The following HERC1 variants were observed in gnomAD, a reference collection of about 807,000 sequenced individuals.
HERC1 encodes the protein probable E3 ubiquitin-protein ligase HERC1.
Under a neutral mutation model 554.3 loss-of-function variants are expected in HERC1, and 160 were observed. That is an observed-to-expected ratio of 0.29 (90% CI 0.25 to 0.33). The LOEUF (loss-of-function observed/expected upper bound fraction) is 0.33, where lower values mean the gene tolerates loss of function less well. HERC1 is among the 10% of genes least tolerant of loss of function. The pLI, the probability that HERC1 is intolerant of heterozygous loss-of-function variation, is 1.00. For synonymous variants in HERC1, 2,175 were observed against 2,131.7 expected, an observed-to-expected ratio of 1.02 and a Z score of -0.56; for missense variants, 4,919 against 5,918.5, an observed-to-expected ratio of 0.83 and a Z score of 5.54.
At chr15:63,736,608 CTCTCT>C (rs2074515080) in intron 12 of HERC1, among the ~76,000 whole-genome samples, 1 of 96,608 alleles carries the variant, frequency 1.0e-5, no homozygotes. Context: ...TAGCATCACA[CTCTCT>C]TTTTTTTTTT....
chr15:63,733,210 A>T, intron 13 of HERC1, 65 bp from the exon 14 acceptor site: 1 of 1,077,436 alleles, frequency 9.3e-7, no homozygotes, highest in Non-Finnish European at 1.4e-6. Context: ...ACACAAAAGG[A>T]TCCCAGAAAA....
Position 63,661,961 on chromosome 15 carries a change from C to T in HERC1, c.8962G>A (p.Val2988Ile), listed in dbSNP as rs906175143. The T allele has an allele frequency of 9.3e-6, 15 of 1,613,970 alleles. No homozygotes were observed. Among genetic ancestry groups the T allele is most frequent in the East Asian group, 4.5e-5 (2 of 44,884 alleles). ...VVVCELCECS[V>I]VSFNQHMKRN... ...TTCATGTGCTGATTGAAGCTGACGA[C>T]GCTGCATTCACACAGTTCACACACC... The change falls in exon 45 of 78, where the codon GTC (valine) becomes ATC (isoleucine). Residue 2988 changes from valine to isoleucine, a missense_variant. Val to Ile is a conservative substitution (Grantham distance 29). Around this residue, in one of 11 missense-constraint regions of HERC1, gnomAD observed 1,963 missense variants for 2,228.6 expected, o/e 0.88. Transcript: ENST00000443617.
intron 1 of HERC1, among the ~76,000 whole-genome samples, chr15:63,810,859 T>G (rs948705064): frequency 2.6e-5 from 4 of 152,174 alleles, no homozygotes; most frequent in Non-Finnish European, 5.9e-5. Flanking sequence ...TGGCACTGAG[T>G]GCCTCCTGAG....
In HERC1 at chr15:63,637,606, G is replaced by C. The variant is rs1033890560; in HGVS notation, c.12131C>G (p.Ala4044Gly). 2.6e-6 allele frequency: 4 copies of C among 1,552,904 alleles called. No individual in the cohort carries two copies. The African/African-American group carries it at 4.1e-5, about 16-fold the overall frequency. ...CCCACAAGCCAACACTGTGCCATTG[G>C]CCTGGATGACAAAGGTACAATTCTG... ...CGQNCTFVIQ[A>G]NGTVLACGEG... The change falls in exon 64 of 78, where the codon GCC (alanine) becomes GGC (glycine). Residue 4044 changes from alanine (A) to glycine (G), a missense_variant. This residue lies in a region of HERC1 where 122 missense variants were observed against 195.2 expected (regional missense o/e 0.63). Coordinates refer to ENST00000443617, the MANE Select transcript of HERC1 (RefSeq NM_003922.4).
chr15:63,625,732 A>AT (rs2152775428), intron 71 of HERC1, among the ~76,000 whole-genome samples: 1 of 151,738 alleles, frequency 6.6e-6, no homozygotes, highest in African/African-American at 2.4e-5. Context: ...TATGTGTAGT[A>AT]TGCGTAGCCA....
Position 63,695,000 on chromosome 15 carries a change from G to T in HERC1, c.5122-106C>A. 1 of 1,003,388 alleles carries T rather than the reference G, an allele frequency of 1.0e-6. No homozygotes were observed. Among genetic ancestry groups the T allele is most frequent in the Non-Finnish European group, 1.4e-6 (1 of 735,506 alleles). 62.2% of individuals were successfully genotyped at this position (1,003,388 alleles called of 1,614,324 possible). On this transcript the variant is annotated intron_variant, in intron 27 of 77. Transcript: ENST00000443617. This position sits in a 1 kb window ranked among gnomAD's most constrained non-coding sequence, Gnocchi z 4.3. Reference sequence around the variant, plus strand: ...CTAGTCTATGCTAGAGCCTTACGATGGTTTTTAATTATTTACTATATTTCA... The same window carrying T: ...CTAGTCTATGCTAGAGCCTTACGATTGTTTTTAATTATTTACTATATTTCA...
chr15:63,806,844 A>C (rs1396983650), intron 1 of HERC1, among the ~76,000 whole-genome samples: 2 of 152,008 alleles, frequency 1.3e-5, no homozygotes, highest in Non-Finnish European at 2.9e-5. Context: ...ATCTCAGCTC[A>C]CTCTTCAATT....
intron 22 of HERC1, among the ~76,000 whole-genome samples, chr15:63,715,472 C>T (rs906981575): frequency 6.6e-6 from 1 of 152,142 alleles, no homozygotes; most frequent in African/African-American, 2.4e-5. Context: ...CCCTTTACTC[C>T]ATTTGGATCT....
intron 55 of HERC1, among the ~76,000 whole-genome samples, chr15:63,646,902 T>C (rs929759305): frequency 2.6e-5 from 4 of 151,758 alleles, no homozygotes; most frequent in Non-Finnish European, 4.4e-5. Flanking sequence ...TATATACAAA[T>C]AGCCAACAGG....
At chr15:63,748,617 G>C (rs2141740681) in intron 10 of HERC1, among the ~76,000 whole-genome samples, 1 of 152,262 alleles carries the variant, frequency 6.6e-6, no homozygotes, top group East Asian at 1.9e-4. Flanking sequence ...TGGGAAGTTG[G>C]AGATGTAATG....
intron 21 of HERC1, among the ~76,000 whole-genome samples, chr15:63,717,838 C>T (rs1038073252): frequency 6.6e-6 from 1 of 152,182 alleles, no homozygotes; most frequent in Non-Finnish European, 1.5e-5. Flanking sequence ...TGCCACTGCG[C>T]TCCAGCCTGA....
At chr15:63,643,268 G>C in intron 58 of HERC1, 136 bp downstream of exon 58, 1 of 884,268 alleles carries the variant, frequency 1.1e-6, no homozygotes, top group Admixed American at 2.9e-5. Flanking sequence ...TAAGGGCAGA[G>C]GATTCTGAAA....
At chr15:63,789,986 C>G (rs1368266029) in intron 1 of HERC1, among the ~76,000 whole-genome samples, 1 of 151,606 alleles carries the variant, frequency 6.6e-6, no homozygotes, top group Non-Finnish European at 1.5e-5. Context: ...AAAGGAAAAC[C>G]CCAAAAAGTC....
At chr15:63,618,199 G>C (rs992241307) in intron 74 of HERC1, among the ~76,000 whole-genome samples, 2 of 151,008 alleles carry the variant, frequency 1.3e-5, no homozygotes, top group African/African-American at 2.4e-5. Flanking sequence ...GTAAGGAAGG[G>C]ATCCAGTTTC....
At position 63,694,777 on chromosome 15, in the gene HERC1, T is replaced by C. The variant is rs1187396819; in HGVS notation, c.5239A>G (p.Ile1747Val). 1.2e-6 allele frequency: 2 copies of C among 1,613,940 alleles called. No individual in the cohort carries two copies. The highest frequency in any genetic ancestry group is 1.7e-5 in the Admixed American group (1 of 60,012). The change falls in exon 28 of 78, where the codon ATT becomes GTT. Residue 1747 changes from isoleucine to valine, a missense_variant. Ile to Val is a conservative substitution (Grantham distance 29, BLOSUM62 3). Coordinates refer to ENST00000443617, the MANE Select transcript of HERC1 (RefSeq NM_003922.4). The surrounding 1 kb of genome is among the most constrained non-coding windows in gnomAD (Gnocchi z 4.3). Reference sequence around the variant, plus strand: ...TTTGCAGGAACCGTTTACTTACCAATGTGATGCTTGTTTGCTTGCAGGGCT... The same window carrying C: ...TTTGCAGGAACCGTTTACTTACCAACGTGATGCTTGTTTGCTTGCAGGGCT... Reference protein sequence around the residue: ...ERALQANKHHIEAQQRLLLVT... With the variant: ...ERALQANKHHVEAQQRLLLVT...
At chr15:63,765,888 C>T (rs2075761253) in intron 2 of HERC1, among the ~76,000 whole-genome samples, 1 of 152,124 alleles carries the variant, frequency 6.6e-6, no homozygotes, top group Admixed American at 6.5e-5. Context: ...GACTGTTTCG[C>T]TCTTGTCACC....
chr15:63,643,489 G>A lies in HERC1; in HGVS notation c.11246C>T (p.Pro3749Leu), dbSNP rs2069171937. Residue 3749 changes from proline to leucine, a missense_variant, in exon 58 of 78, where the codon CCT becomes CTT. Transcript: ENST00000443617. ...CVYQLRGHIT[P>L]VRTVAFSSDG... ...AGAACTAAAGGCAACAGTCCGAACA[G>A]GAGTGATGTGTCCCCGCAGCTGATA... 6.2e-7 allele frequency: 1 copy of A among 1,611,912 alleles called. No homozygotes were observed. The highest frequency in any genetic ancestry group is 1.3e-5 in the African/African-American group (1 of 75,014).
chr15:63,708,962 T>C (rs2073153257), intron 24 of HERC1, among the ~76,000 whole-genome samples: 1 of 152,142 alleles, frequency 6.6e-6, no homozygotes. Context: ...CTTTGTAATA[T>C]TCCATAAGGA....
In HERC1 at chr15:63,749,338, C is replaced by T. The variant is rs2075162663; in HGVS notation, c.2219+29G>A. On this transcript the variant is annotated intron_variant, in intron 10 of 77. Coordinates refer to ENST00000443617, the MANE Select transcript of HERC1 (RefSeq NM_003922.4). This position sits in a 1 kb window ranked among gnomAD's most constrained non-coding sequence, Gnocchi z 4.1. ...TTATTGGTGTTTATGTTAAAACACA[C>T]AAGAATTTTTAAACATAGGCACTCT... 1 of 1,536,470 alleles carries T rather than the reference C, an allele frequency of 6.5e-7. No individual in the cohort carries two copies. The highest frequency in any genetic ancestry group is 8.8e-7 in the Non-Finnish European group (1 of 1,142,298).
Sources: gnomAD v4.1 joint callset for allele counts (sites outside exome capture counted in the v4.1 genomes callset) on GRCh38, gnomAD v4.1.1 for gene constraint, gnomAD v4.1.1 regional missense constraint, Gnocchi (gnomAD v3.1) non-coding constraint, MANE v1.5 for transcripts, NCBI Gene and HGNC (gene_info 2026-07-23, HGNC 2026-07-21) for gene names.